The following NFXL1 variants were observed in gnomAD, a reference collection of about 807,000 sequenced individuals.
NFXL1 encodes the protein nuclear transcription factor, X-box binding like 1, also known as NF-X1-type zinc finger protein NFXL1.
In NFXL1, 66 loss-of-function variants were observed where a neutral mutation model predicts 123.3. The observed-to-expected ratio is 0.54, with a 90% CI of 0.44 to 0.66. The LOEUF (loss-of-function observed/expected upper bound fraction) is 0.66. Among genes scored for constraint, NFXL1 ranks in the 30% least tolerant of loss-of-function variants. The pLI is 0.00. For missense variants in NFXL1, 944 were observed against 1,125.6 expected, an observed-to-expected ratio of 0.84 and a Z score of 2.31; for synonymous variants, 346 against 360.8, an observed-to-expected ratio of 0.96 and a Z score of 0.46.
intron 15 of NFXL1, among the ~76,000 whole-genome samples, chr4:47,883,129 T>C (rs888417634): frequency 6.6e-6 from 1 of 152,030 alleles, no homozygotes; most frequent in Admixed American, 6.6e-5. Flanking sequence ...ATCAAGAAAG[T>C]GTGTCAGATT....
chr4:47,858,732 T>C (rs1734558613), intron 19 of NFXL1, among the ~76,000 whole-genome samples: 1 of 152,172 alleles, frequency 6.6e-6, no homozygotes, highest in South Asian at 2.1e-4. Context: ...GGTCACCCTA[T>C]AGGATAGAGG....
rs200858571 is a variant in NFXL1, at chr4:47,905,276, T to A, written c.477A>T (p.Thr159=). ...VNEAFQAGAM[T]CLICIASVKR... is the part of the protein sequence containing the mutation. ...TCACCGAAGCAATACAAATTAGGCA[T>A]GTCATAGCCCCTGCTTGAAAAGCTT... The change falls in exon 4 of 23, where the codon ACA becomes ACT. Residue 159 remains threonine, a synonymous_variant. Transcript: ENST00000507489. The A allele has an allele frequency of 1.3e-6, 2 of 1,595,296 alleles. No homozygotes were observed. Among genetic ancestry groups the A allele is most frequent in the Non-Finnish European group, 1.7e-6 (2 of 1,164,802 alleles).
intron 3 of NFXL1, among the ~76,000 whole-genome samples, chr4:47,909,388 A>C (rs1737720642): frequency 6.6e-6 from 1 of 152,198 alleles, no homozygotes; most frequent in Non-Finnish European, 1.5e-5. Context: ...AAATCAGCCC[A>C]GTAATGGCTC....
intron 11 of NFXL1, among the ~76,000 whole-genome samples, chr4:47,892,530 C>T (rs1248519057): frequency 6.6e-6 from 1 of 152,120 alleles, no homozygotes; most frequent in Non-Finnish European, 1.5e-5. Context: ...CAAGAGATCA[C>T]ACAAGGCTGG....
chr4:47,906,543 T>G (rs1055725941), intron 3 of NFXL1, among the ~76,000 whole-genome samples: 5 of 152,118 alleles, frequency 3.3e-5, no homozygotes, highest in African/African-American at 4.8e-5. Context: ...ATTATAAAAT[T>G]ATTAAAGACA....
intron 15 of NFXL1, among the ~76,000 whole-genome samples, chr4:47,879,658 C>T (rs1363651574): frequency 1.3e-5 from 2 of 152,038 alleles, no homozygotes; most frequent in African/African-American, 4.8e-5. Context: ...CTGACACCAC[C>T]CAACTTCAAG....
intron 3 of NFXL1, among the ~76,000 whole-genome samples, chr4:47,910,185 TA>T (rs1553927248): frequency 1.3e-5 from 2 of 151,900 alleles, no homozygotes; most frequent in Non-Finnish European, 2.9e-5. Context: ...TTAGGTTTTT[TA>T]AAAAAAGTAC....
At chr4:47,879,395 G>C (rs1350327286) in intron 15 of NFXL1, among the ~76,000 whole-genome samples, 9 of 151,846 alleles carry the variant, frequency 5.9e-5, no homozygotes, top group Admixed American at 5.9e-4. Flanking sequence ...GATCTCTATG[G>C]GACAACTACA....
At chr4:47,895,370 T>C (rs572526775) in intron 10 of NFXL1, among the ~76,000 whole-genome samples, 24 of 152,350 alleles carry the variant, frequency 1.6e-4, no homozygotes, top group Middle Eastern at 3.4e-3. Flanking sequence ...AAGTCCTATA[T>C]TGTATCTTCT....
At chr4:47,913,840 G>T in intron 2 of NFXL1, 129 bp downstream of exon 2, 1 of 587,160 alleles carries the variant, frequency 1.7e-6, no homozygotes, top group Non-Finnish European at 2.9e-6. Context: ...CTGGAGAAGT[G>T]GGCCCGATAA....
Position 47,894,306 on chromosome 4 carries a change from G to C in NFXL1, c.1330-4C>G. On this transcript the variant is annotated splice_region_variant and splice_polypyrimidine_tract_variant and intron_variant, in intron 10 of 22. Transcript: ENST00000507489. The stretch of plus-strand genomic sequence containing the variant: ...AGCGACAATGCTTTTCCACTTCCTG[G>C]AAGAATAAAAGAAATGCTATTAAAA... The C allele has an allele frequency of 6.4e-7, 1 of 1,567,562 alleles. No individual in the cohort carries two copies. Among genetic ancestry groups the C allele is most frequent in the East Asian group, 2.3e-5 (1 of 43,026 alleles).
At position 47,885,901 on chromosome 4, in the gene NFXL1, G is replaced by A; in HGVS notation, c.1642C>T (p.Pro548Ser). The change falls in exon 13 of 23, where the codon CCC becomes TCC. Residue 548 changes from proline (P) to serine (S), a missense_variant. Around this residue, in one of 4 missense-constraint regions of NFXL1, gnomAD observed 296 missense variants for 395.1 expected, o/e 0.75. Coordinates refer to ENST00000507489, the MANE Select transcript of NFXL1 (RefSeq NM_001278624.2). ...CACCTGCATTGCTCCTTGCACTTGG[G>A]TGGTCTTGTGGTACGTTCTCGGCCA... Reference protein sequence around the residue: ...PCGRERTTRPPKCKEQCSRPP... With the variant: ...PCGRERTTRPSKCKEQCSRPP... The A allele has an allele frequency of 6.2e-7, 1 of 1,613,858 alleles. No individual in the cohort carries two copies. The highest frequency in any genetic ancestry group is 8.5e-7 in the Non-Finnish European group (1 of 1,179,844).
intron 2 of NFXL1, among the ~76,000 whole-genome samples, chr4:47,913,285 G>T (rs574976125): frequency 4.6e-5 from 7 of 152,112 alleles, no homozygotes; most frequent in Non-Finnish European, 7.3e-5. Flanking sequence ...CTGGCTCCAC[G>T]AAAACATGGT....
rs529064297 is a variant in NFXL1 at position 47,914,193 on chromosome 4, G to A, written c.11C>T (p.Ser4Phe). Reference protein sequence around the residue: MEASWRQVAGGRGR... With the variant: MEAFWRQVAGGRGR... Reference sequence around the variant, plus strand: ...TCGGCCACCGGCCACCTGGCGCCAGGAAGCTTCCATCCCTGCAAAGGAGAA... The same window carrying A: ...TCGGCCACCGGCCACCTGGCGCCAGAAAGCTTCCATCCCTGCAAAGGAGAA... Residue 4 changes from serine (S) to phenylalanine (F), a missense_variant, in exon 2 of 23, where the codon TCC becomes TTC. Ser to Phe is a radical substitution (Grantham distance 155, BLOSUM62 -2). This residue lies in a region of NFXL1 where 303 missense variants were observed against 292.1 expected (regional missense o/e 1.04). Transcript: ENST00000507489. 5.3e-6 allele frequency: 8 copies of A among 1,516,964 alleles called. No homozygotes were observed. In the East Asian group the frequency reaches 7.4e-5, roughly 14 times the overall value. 94.0% of individuals were successfully genotyped at this position (1,516,964 alleles called of 1,614,324 possible).
chr4:47,860,271 A>C (rs1380576314), intron 19 of NFXL1, among the ~76,000 whole-genome samples: 3 of 152,196 alleles, frequency 2.0e-5, no homozygotes, highest in Non-Finnish European at 4.4e-5. Context: ...AAATAAAATA[A>C]CTGAAGCCCC....
At chr4:47,878,777 TAA>T in intron 16 of NFXL1, 112 bp from the exon 17 acceptor site, 1 of 741,660 alleles carries the variant, frequency 1.3e-6, no homozygotes, top group Non-Finnish European at 2.1e-6. Context: ...CAGAAAGGTA[TAA>T]GTTTGCACGA....
At chr4:47,875,642 G>A (rs576100139) in intron 17 of NFXL1, among the ~76,000 whole-genome samples, 1 of 152,152 alleles carries the variant, frequency 6.6e-6, no homozygotes, top group African/African-American at 2.4e-5. Context: ...AAAATATACA[G>A]AGTAAGAATG....
At chr4:47,909,335 C>T (rs1341400644) in intron 3 of NFXL1, among the ~76,000 whole-genome samples, 5 of 152,138 alleles carry the variant, frequency 3.3e-5, no homozygotes, top group South Asian at 2.1e-4. Flanking sequence ...CAAAAGTAAC[C>T]GTCTAGTCTC....
intron 13 of NFXL1, 103 bp from the exon 14 acceptor site, chr4:47,885,760 G>A: frequency 1.5e-6 from 2 of 1,324,998 alleles, no homozygotes. Context: ...CATATAGAAT[G>A]AGTATACTGT....
Sources: gnomAD v4.1 joint callset for allele counts (sites outside exome capture counted in the v4.1 genomes callset) on GRCh38, gnomAD v4.1.1 for gene constraint, gnomAD v4.1.1 regional missense constraint, MANE v1.5 for transcripts, NCBI Gene and HGNC (gene_info 2026-07-23, HGNC 2026-07-21) for gene names.